TMEM63B: variants seen among roughly 807,000 people sequenced by gnomAD.
TMEM63B encodes transmembrane protein 63B.
A neutral mutation model predicts 102.6 loss-of-function variants in TMEM63B; 23 were observed. That is an observed-to-expected ratio of 0.22 (90% CI 0.16 to 0.32). The LOEUF (loss-of-function observed/expected upper bound fraction) is 0.32, where lower values mean the gene tolerates loss of function less well. TMEM63B is among the 10% of genes least tolerant of loss of function. The pLI is 1.00. For synonymous variants in TMEM63B, 444 were observed against 437.0 expected (o/e 1.02, Z -0.20); for missense variants, 628 against 1,095.9 (o/e 0.57, Z 6.03).
Position 44,150,616 on chromosome 6 carries a change from G to A in TMEM63B, c.1660G>A (p.Ala554Thr), listed in dbSNP as rs771041777. 6 of 1,614,102 alleles carry A rather than the reference G, an allele frequency of 3.7e-6. No homozygotes were observed. Among genetic ancestry groups the A allele is most frequent in the Non-Finnish European group, 5.1e-6 (6 of 1,179,982 alleles). ...LFDKKFLAEA[A>T]IRFECVFLPD... ...TGATAAGAAATTCTTGGCTGAGGCA[G>A]CTATTCGGTTTGAGTGAGTGACTGG... The change falls in exon 18 of 24, where the codon GCT becomes ACT. Residue 554 changes from alanine to threonine, a missense_variant. Physicochemically the swap from Ala to Thr is moderately conservative, Grantham distance 58 (BLOSUM62 0). Around this residue, in one of 6 missense-constraint regions of TMEM63B, gnomAD observed 61 missense variants for 176.0 expected, o/e 0.35. Transcript: ENST00000323267. The surrounding 1 kb of genome is among the most constrained non-coding windows in gnomAD (Gnocchi z 4.7).
chr6:44,134,880 A>T lies in TMEM63B; in HGVS notation c.159+137A>T, dbSNP rs138352932. 5.6e-4 allele frequency: 842 copies of T among 1,492,038 alleles called. 4 individuals carry two copies. In the African/African-American group the frequency reaches 0.01, roughly 18 times the overall value. 92.4% of individuals were successfully genotyped at this position (1,492,038 alleles called of 1,614,324 possible). ...GGAGGAGTCCCCATCATCCAGCCCA[A>T]GCCTCGCCTTTGACCATTCACCCAA... is the stretch of plus-strand genomic sequence containing the variant. On this transcript the variant is annotated intron_variant, in intron 2 of 23. Coordinates refer to ENST00000323267, the MANE Select transcript of TMEM63B (RefSeq NM_018426.3).
At position 44,152,662 on chromosome 6, in the gene TMEM63B, A is replaced by G; in HGVS notation, c.1906A>G (p.Thr636Ala). Residue 636 changes from threonine (T) to alanine (A), a missense_variant, in exon 20 of 24, where the codon ACC becomes GCC. Physicochemically the swap from Thr to Ala is moderately conservative, Grantham distance 58. This residue lies in a region of TMEM63B where 90 missense variants were observed against 136.7 expected (regional missense o/e 0.66). Coordinates refer to ENST00000323267, the MANE Select transcript of TMEM63B (RefSeq NM_018426.3). This position sits in a 1 kb window ranked among gnomAD's most constrained non-coding sequence, Gnocchi z 6.4. ...GATGTGCGTCTTCACGGTGGTCATGACCTACAGTATCACCTGCCCCATCAT... is the reference window on the plus strand; with the variant it reads ...GATGTGCGTCTTCACGGTGGTCATGGCCTACAGTATCACCTGCCCCATCAT... ...WMMCVFTVVM[T>A]YSITCPIIVP... 1 of 1,607,134 alleles carries G rather than the reference A, an allele frequency of 6.2e-7. No homozygotes were observed.
intron 21 of TMEM63B, 39 bp downstream of exon 21, chr6:44,153,882 A>T: frequency 6.3e-7 from 1 of 1,599,228 alleles, no homozygotes; most frequent in South Asian, 1.1e-5. Context: ...GGTGGCGAGC[A>T]GAGTGGATTC....
chr6:44,150,110 T>C lies in TMEM63B; in HGVS notation c.1521-114T>C. On this transcript the variant is annotated intron_variant, in intron 16 of 23. Coordinates refer to ENST00000323267, the MANE Select transcript of TMEM63B (RefSeq NM_018426.3). This position sits in a 1 kb window ranked among gnomAD's most constrained non-coding sequence, Gnocchi z 4.7. ...AGGGGTAGTGCCCAGCACCCTCACC[T>C]TGGGAGGCCCACCCTTCCCAGGGGA... 2 of 1,333,700 alleles carry C rather than the reference T, an allele frequency of 1.5e-6. No individual in the cohort carries two copies. The highest frequency in any genetic ancestry group is 1.8e-4 in the Middle Eastern group (1 of 5,540). The allele number at this position is 1,333,700 out of a possible 1,614,324, so 82.6% of individuals were successfully genotyped here. A position where few individuals can be genotyped will look rare whatever the true frequency, so the allele number is the denominator to read the frequency against.
At chr6:44,130,902 C>G (rs1021346949) in intron 1 of TMEM63B, among the ~76,000 whole-genome samples, 35 of 151,386 alleles carry the variant, frequency 2.3e-4, no homozygotes, top group Non-Finnish European at 2.9e-5. Flanking sequence ...CAGGGGTGAG[C>G]CACCCCACCC....
chr6:44,150,468 G>T lies in TMEM63B; in HGVS notation c.1608-96G>T. 1 of 1,511,530 alleles carries T rather than the reference G, an allele frequency of 6.6e-7. No homozygotes were observed. 93.6% of individuals were successfully genotyped at this position (1,511,530 alleles called of 1,614,324 possible). ...CCTGAGCTACCCACCCCATGTCTGG[G>T]AGTCTCCCCAGTGGCTCACAGAGGA... On this transcript the variant is annotated intron_variant, in intron 17 of 23. Coordinates refer to ENST00000323267, the MANE Select transcript of TMEM63B (RefSeq NM_018426.3). The surrounding 1 kb of genome is among the most constrained non-coding windows in gnomAD (Gnocchi z 4.7).
intron 6 of TMEM63B, among the ~76,000 whole-genome samples, chr6:44,139,200 C>G (rs76497863): frequency 0.059 from 8,966 of 151,968 alleles, 485 homozygotes; most frequent in East Asian, 0.23. Flanking sequence ...TTTCTTTTAC[C>G]TATCTTTTCC....
At position 44,147,238 on chromosome 6, in the gene TMEM63B, T is replaced by C. The variant is rs565538102; in HGVS notation, c.864-139T>C. The C allele has an allele frequency of 3.5e-5, 49 of 1,409,072 alleles. No individual in the cohort carries two copies. In the East Asian group the frequency reaches 1.1e-3, roughly 30 times the overall value. 87.3% of individuals were successfully genotyped at this position (1,409,072 alleles called of 1,614,324 possible). On this transcript the variant is annotated intron_variant, in intron 11 of 23. Coordinates refer to ENST00000323267, the MANE Select transcript of TMEM63B (RefSeq NM_018426.3). ...CCCTCTAGGGATGGGTGGGGAGACCTTGGGATGTGGCCACATCTGAAACAT... is the reference window on the plus strand; with the variant it reads ...CCCTCTAGGGATGGGTGGGGAGACCCTGGGATGTGGCCACATCTGAAACAT...
In TMEM63B at chr6:44,150,240, A is replaced by G. The variant is rs1458211650; in HGVS notation, c.1537A>G (p.Thr513Ala). The change falls in exon 17 of 24, where the codon ACA (threonine) becomes GCA (alanine). Residue 513 changes from threonine (T) to alanine (A), a missense_variant. Transcript: ENST00000323267. This position sits in a 1 kb window ranked among gnomAD's most constrained non-coding sequence, Gnocchi z 4.7. ...TCCCTCCAGCTCTGGGGAGAACAGG[A>G]CAACCATGCACAAGTGCTACACTTT... ...AHWTRSGENRTTMHKCYTFLI... is the reference protein window; with the variant it reads ...AHWTRSGENRATMHKCYTFLI... The G allele has an allele frequency of 6.2e-7, 1 of 1,613,854 alleles. No homozygotes were observed. The highest frequency in any genetic ancestry group is 2.2e-5 in the East Asian group (1 of 44,882).
chr6:44,128,820 G>A (rs1047671336), intron 1 of TMEM63B, among the ~76,000 whole-genome samples: 1 of 152,234 alleles, frequency 6.6e-6, no homozygotes, highest in African/African-American at 2.4e-5. Context: ...TTGTCCTCCA[G>A]GGCACCAGAG....
chr6:44,127,451 A>T (rs916289775), upstream of TMEM63B: 2 of 151,404 alleles, frequency 1.3e-5, no homozygotes, highest in Non-Finnish European at 2.9e-5. Flanking sequence ...AGCCCGGCGG[A>T]CGCGATCTGA....
Position 44,148,700 on chromosome 6 carries a change from A to G in TMEM63B, c.1259+50A>G, listed in dbSNP as rs1307268538. 3.1e-6 allele frequency: 5 copies of G among 1,611,270 alleles called. No homozygotes were observed. The highest frequency in any genetic ancestry group is 1.3e-5 in the African/African-American group (1 of 74,876). On this transcript the variant is annotated intron_variant, in intron 14 of 23. Transcript: ENST00000323267. This position sits in a 1 kb window ranked among gnomAD's most constrained non-coding sequence, Gnocchi z 5.1. Reference sequence around the variant, plus strand: ...GCTTTCCAGGGCCTGGGATGGGCTCAGTAGGTAGGCGGAGGAGAGGGAGTG... The same window carrying G: ...GCTTTCCAGGGCCTGGGATGGGCTCGGTAGGTAGGCGGAGGAGAGGGAGTG...
chr6:44,151,357 C>T (rs1034501943), intron 18 of TMEM63B, among the ~76,000 whole-genome samples: 2 of 152,136 alleles, frequency 1.3e-5, no homozygotes, highest in Non-Finnish European at 2.9e-5. Context: ...TTGAGTCACA[C>T]TTGGGGCATC....
Position 44,152,598 on chromosome 6 carries a change from G to A in TMEM63B, c.1842G>A (p.Gln614=), listed in dbSNP as rs541006333. ...AAERRNVKRH[Q]AYEFQFGAAY... is the part of the protein sequence containing the mutation. Reference sequence around the variant, plus strand: ...CCTGCCCGTCTCCCCCCCAGCATCAGGCCTACGAGTTCCAGTTTGGCGCAG... The same window carrying A: ...CCTGCCCGTCTCCCCCCCAGCATCAAGCCTACGAGTTCCAGTTTGGCGCAG... The change falls in exon 20 of 24, where the codon CAG becomes CAA. Residue 614 remains glutamine, a synonymous_variant. Coordinates refer to ENST00000323267, the MANE Select transcript of TMEM63B (RefSeq NM_018426.3). The surrounding 1 kb of genome is among the most constrained non-coding windows in gnomAD (Gnocchi z 6.4). The A allele has an allele frequency of 1.2e-6, 2 of 1,607,970 alleles. No homozygotes were observed. The highest frequency in any genetic ancestry group is 2.7e-5 in the African/African-American group (2 of 74,902).
Position 44,150,498 on chromosome 6 carries a change from C to G in TMEM63B, c.1608-66C>G. 7.7e-6 allele frequency: 12 copies of G among 1,562,954 alleles called. No individual in the cohort carries two copies. The highest frequency in any genetic ancestry group is 1.1e-5 in the Non-Finnish European group (12 of 1,134,402). On this transcript the variant is annotated intron_variant, in intron 17 of 23. Transcript: ENST00000323267. The surrounding 1 kb of genome is among the most constrained non-coding windows in gnomAD (Gnocchi z 4.7). ...TCCCCAGTGGCTCACAGAGGAGGGA[C>G]TTCCCCTCCCCTGGTGTTCTGTACC... is the stretch of plus-strand genomic sequence containing the variant.
chr6:44,155,016 C>G lies in TMEM63B; in HGVS notation c.*133C>G. The G allele has an allele frequency of 1.1e-6, 1 of 904,296 alleles. No homozygotes were observed. Among genetic ancestry groups the G allele is most frequent in the Non-Finnish European group, 1.5e-6 (1 of 647,986 alleles). 56.0% of individuals were successfully genotyped at this position (904,296 alleles called of 1,614,324 possible). A position where few individuals can be genotyped will look rare whatever the true frequency, so the allele number is the denominator to read the frequency against. ...CCCTGCTTTCATTAAGGTATTTAAACTTGGGGGTTTCACTGCTCTCCCCCA... is the reference window on the plus strand; with the variant it reads ...CCCTGCTTTCATTAAGGTATTTAAAGTTGGGGGTTTCACTGCTCTCCCCCA... On this transcript the variant is annotated 3_prime_UTR_variant, in exon 24 of 24. Coordinates refer to ENST00000323267, the MANE Select transcript of TMEM63B (RefSeq NM_018426.3).
At chr6:44,128,077 C>T (rs1254376406) in intron 1 of TMEM63B, among the ~76,000 whole-genome samples, 1 of 152,152 alleles carries the variant, frequency 6.6e-6, no homozygotes, top group African/African-American at 2.4e-5. Context: ...CTAGCCGCCC[C>T]CGCCCCCGAG....
At chr6:44,135,467 C>A in intron 4 of TMEM63B, 101 bp downstream of exon 4, 1 of 1,408,164 alleles carries the variant, frequency 7.1e-7, no homozygotes, top group South Asian at 1.3e-5. Flanking sequence ...TTTCTTTTTG[C>A]AGTTTTCTCC....
intron 1 of TMEM63B, among the ~76,000 whole-genome samples, chr6:44,131,478 T>C (rs939334028): frequency 1.8e-4 from 28 of 151,994 alleles, no homozygotes; most frequent in Non-Finnish European, 2.9e-4. Flanking sequence ...CCCAGCACTT[T>C]GGGAGGCCGA....
Sources: allele counts gnomAD v4.1 joint callset (sites outside exome capture counted in the v4.1 genomes callset), GRCh38; gene constraint gnomAD v4.1.1; regional missense constraint gnomAD v4.1.1; non-coding constraint Gnocchi (gnomAD v3.1); transcripts MANE v1.5; gene names NCBI Gene and HGNC (gene_info 2026-07-23, HGNC 2026-07-21).